The following EPB41 variants were observed in gnomAD, a reference collection of about 807,000 sequenced individuals.
The protein encoded by EPB41 is protein 4.1.
A neutral mutation model predicts 108.0 loss-of-function variants in EPB41; 65 were observed. The observed-to-expected ratio is 0.60, with a 90% CI of 0.49 to 0.74. EPB41 has a LOEUF of 0.74. Among genes scored for constraint, EPB41 ranks in the 30% least tolerant of loss-of-function variants. The pLI is 0.00. For missense variants in EPB41, 875 were observed against 1,037.0 expected, an observed-to-expected ratio of 0.84 and a Z score of 2.15; for synonymous variants, 336 against 358.9, an observed-to-expected ratio of 0.94 and a Z score of 0.72.
intron 12 of EPB41, among the ~76,000 whole-genome samples, chr1:29,057,052 AC>A (rs1479979551): frequency 6.6e-6 from 1 of 152,078 alleles, no homozygotes; most frequent in Non-Finnish European, 1.5e-5. Context: ...TAATGACCAC[AC>A]AGCAAGTATG....
chr1:29,084,366 A>T (rs1361318939), intron 16 of EPB41, among the ~76,000 whole-genome samples: 6 of 152,250 alleles, frequency 3.9e-5, no homozygotes, highest in African/African-American at 1.4e-4. Context: ...GATGATGGTG[A>T]CTGATTACAG....
intron 4 of EPB41, among the ~76,000 whole-genome samples, chr1:29,009,143 C>CT (rs11330641): frequency 0.018 from 2,514 of 140,570 alleles, 36 homozygotes; most frequent in African/African-American, 0.031. Context: ...TTTAATCCTT[C>CT]TTTTTTTTTT....
intron 1 of EPB41, among the ~76,000 whole-genome samples, chr1:28,897,611 A>C (rs1557613638): frequency 5.0e-4 from 4 of 7,974 alleles, no homozygotes; most frequent in African/African-American, 8.9e-4. Flanking sequence ...AGGGGAGGGG[A>C]GGGGAGAGGA....
intron 1 of EPB41, among the ~76,000 whole-genome samples, chr1:28,889,148 G>T (rs2089816311): frequency 6.6e-6 from 1 of 152,194 alleles, no homozygotes; most frequent in Non-Finnish European, 1.5e-5. Flanking sequence ...TCCCAGGCTT[G>T]TACTTTGTCA....
chr1:29,033,305 C>T, intron 9 of EPB41, 60 bp downstream of exon 9: 1 of 1,580,948 alleles, frequency 6.3e-7, no homozygotes, highest in South Asian at 1.1e-5. Flanking sequence ...GAAATATCTA[C>T]ATTTCCATTT....
In EPB41 at chr1:29,002,450, C is replaced by CA. The variant is rs773724543; in HGVS notation, c.786+5145dup. On this transcript the variant is annotated intron_variant, in intron 4 of 20. Coordinates refer to ENST00000343067, the MANE Select transcript of EPB41 (RefSeq NM_001376013.1). The stretch of plus-strand genomic sequence containing the variant: ...GGGTGACAGGGATAAGACCCTACCT[C>CA]AAAAAAAAAAAAAAGATAGTATTAT... Among the ~76,000 whole-genome samples the CA allele has an allele frequency of 4.4e-3, 509 of 115,096 alleles. 3 individuals are homozygous for CA. The highest frequency in any genetic ancestry group is 0.012 in the South Asian group (43 of 3,616). The allele number at this position is 115,096 out of a possible 152,430, so 75.5% of individuals were successfully genotyped here.
At chr1:29,098,846 A>C (rs1664202829) in intron 17 of EPB41, among the ~76,000 whole-genome samples, 2 of 151,788 alleles carry the variant, frequency 1.3e-5, no homozygotes, top group African/African-American at 4.8e-5. Context: ...TTCTGGGTTC[A>C]AGTGATTCTC....
intron 7 of EPB41, among the ~76,000 whole-genome samples, chr1:29,026,666 G>A (rs2096722634): frequency 6.6e-6 from 1 of 152,220 alleles, no homozygotes; most frequent in Non-Finnish European, 1.5e-5. Flanking sequence ...GCTCATGCCT[G>A]TAATTCCAGC....
intron 1 of EPB41, chr1:28,902,397 C>T: frequency 1.0e-6 from 1 of 984,840 alleles, no homozygotes; most frequent in East Asian, 1.1e-4. Flanking sequence ...TGGTAATTAG[C>T]ACTTAGGCCT....
At chr1:29,031,054 C>T (rs1014721203) in intron 8 of EPB41, among the ~76,000 whole-genome samples, 5 of 152,132 alleles carry the variant, frequency 3.3e-5, no homozygotes, top group East Asian at 1.9e-4. Flanking sequence ...CGTGATCCGC[C>T]CGCCTCGGCC....
intron 1 of EPB41, chr1:28,891,058 G>A (rs986895655): frequency 3.0e-5 from 27 of 906,854 alleles, no homozygotes; most frequent in African/African-American, 3.6e-5. Flanking sequence ...GGTCAGCCAG[G>A]GCCCACTAGG....
intron 4 of EPB41, among the ~76,000 whole-genome samples, chr1:28,997,659 A>G (rs1434635366): frequency 6.6e-6 from 1 of 152,152 alleles, no homozygotes; most frequent in African/African-American, 2.4e-5. Context: ...GCATAGGTTT[A>G]TAACAAATAT....
In EPB41 at chr1:29,112,415, G is replaced by A; in HGVS notation, c.2463G>A (p.Val821=). The change falls in exon 19 of 21, where the codon GTG becomes GTA. Residue 821 remains valine, a synonymous_variant. Transcript: ENST00000343067. The stretch of plus-strand genomic sequence containing the variant: ...AGACACGTATTGAAAAGAGAATTGT[G>A]ATCACAGGAGATGCTGATATTGACC... The part of the protein sequence containing the change: ...ISETRIEKRI[V]ITGDADIDHD... 6.2e-7 allele frequency: 1 copy of A among 1,613,940 alleles called. No individual in the cohort carries two copies. The highest frequency in any genetic ancestry group is 1.1e-5 in the South Asian group (1 of 91,066).
At chr1:28,974,161 G>C (rs1462328315) in intron 1 of EPB41, among the ~76,000 whole-genome samples, 1 of 152,164 alleles carries the variant, frequency 6.6e-6, no homozygotes, top group Non-Finnish European at 1.5e-5. Flanking sequence ...CCGAATGTAA[G>C]ATTTAAGATG....
At chr1:28,918,662 A>C (rs1411145053) in intron 1 of EPB41, among the ~76,000 whole-genome samples, 1 of 152,184 alleles carries the variant, frequency 6.6e-6, no homozygotes, top group East Asian at 1.9e-4. Context: ...TTGTAATCCC[A>C]GCACTTTGGG....
At chr1:29,058,374 A>G (rs1415204917) in intron 12 of EPB41, among the ~76,000 whole-genome samples, 1 of 152,166 alleles carries the variant, frequency 6.6e-6, no homozygotes, top group Non-Finnish European at 1.5e-5. Context: ...GGATATCCAT[A>G]TTACCTTTTC....
chr1:28,947,134 T>A (rs2094511946), intron 1 of EPB41, among the ~76,000 whole-genome samples: 1 of 152,182 alleles, frequency 6.6e-6, no homozygotes, highest in Non-Finnish European at 1.5e-5. Context: ...TTTGAATCTC[T>A]TGGCCGGGCT....
chr1:29,049,522 A>C (rs1338606831), intron 11 of EPB41, among the ~76,000 whole-genome samples: 1 of 152,050 alleles, frequency 6.6e-6, no homozygotes, highest in Non-Finnish European at 1.5e-5. Flanking sequence ...GCATCATCTG[A>C]TTTTTTTGTT....
intron 1 of EPB41, among the ~76,000 whole-genome samples, chr1:28,953,607 G>A (rs75821967): frequency 0.025 from 3,753 of 152,288 alleles, 149 homozygotes; most frequent in African/African-American, 0.086. Flanking sequence ...ATGCATACAT[G>A]CATGCATGCC....
Sources: allele counts gnomAD v4.1 joint callset (sites outside exome capture counted in the v4.1 genomes callset), GRCh38; gene constraint gnomAD v4.1.1; transcripts MANE v1.5; gene names NCBI Gene and HGNC (gene_info 2026-07-23, HGNC 2026-07-21).